Variants in DNAJC24 observed in about 807,000 individuals in gnomAD.
The protein encoded by DNAJC24 is dnaJ homolog subfamily C member 24.
Under a neutral mutation model 18.0 loss-of-function variants are expected in DNAJC24, and 17 were observed. The observed-to-expected ratio is 0.94, with a 90% confidence interval of 0.65 to 1.42. The LOEUF is 1.42. DNAJC24 is among the 40% of genes most tolerant of loss of function. The pLI is 0.00. For missense variants in DNAJC24, 158 were observed against 175.6 expected (o/e 0.90, Z 0.57); for synonymous variants, 55 against 57.7 (o/e 0.95, Z 0.21).
Position 31,431,439 on chromosome 11 carries a change from C to T in DNAJC24, c.*1038C>T, listed in dbSNP as rs1053735466. On this transcript the variant is annotated 3_prime_UTR_variant, in exon 5 of 5. Coordinates refer to ENST00000465995, the MANE Select transcript of DNAJC24 (RefSeq NM_181706.5). ...GTGCTGGGATTGCAGGCGTGAGCCA[C>T]CATGCCTGGCCAGAAGCTTTTTTAA... 4 of 151,358 alleles carry T rather than the reference C, an allele frequency of 2.6e-5. No individual in the cohort carries two copies. Among genetic ancestry groups the T allele is most frequent in the African/African-American group, 9.7e-5 (4 of 41,244 alleles). 9.4% of individuals were successfully genotyped at this position (151,358 alleles called of 1,614,324 possible). A position where few individuals can be genotyped will look rare whatever the true frequency, so the allele number is the denominator to read the frequency against.
At chr11:31,401,519 C>T (rs1404375461) in intron 2 of DNAJC24, among the ~76,000 whole-genome samples, 1 of 151,944 alleles carries the variant, frequency 6.6e-6, no homozygotes, top group African/African-American at 2.4e-5. Context: ...CTCTCCCATC[C>T]TCCTGCTTCC....
chr11:31,371,826 T>C (rs1202482686), intron 2 of DNAJC24, among the ~76,000 whole-genome samples: 1 of 143,978 alleles, frequency 6.9e-6, no homozygotes, highest in Non-Finnish European at 1.5e-5. Flanking sequence ...TTTTTTTTTT[T>C]TTTTTTTTTT....
chr11:31,396,383 G>T (rs924020895), intron 2 of DNAJC24: 11 of 423,348 alleles, frequency 2.6e-5, no homozygotes, highest in African/African-American at 1.7e-4. Flanking sequence ...TGAGGCTCAG[G>T]GGACTTTGGA....
At chr11:31,394,924 G>A (rs1952530896) in intron 2 of DNAJC24, among the ~76,000 whole-genome samples, 1 of 152,114 alleles carries the variant, frequency 6.6e-6, no homozygotes, top group Non-Finnish European at 1.5e-5. Flanking sequence ...TAACATTATT[G>A]CAGGTTACAT....
At chr11:31,428,208 C>T (rs932013342) in intron 4 of DNAJC24, among the ~76,000 whole-genome samples, 1 of 151,842 alleles carries the variant, frequency 6.6e-6, no homozygotes, top group African/African-American at 2.4e-5. Context: ...CCTGGAACTC[C>T]CTAAAGTAAA....
At chr11:31,424,132 T>A (rs990474006) in intron 3 of DNAJC24, among the ~76,000 whole-genome samples, 1 of 152,174 alleles carries the variant, frequency 6.6e-6, no homozygotes, top group African/African-American at 2.4e-5. Flanking sequence ...GCATCATGGA[T>A]ATATATGAAT....
intron 2 of DNAJC24, among the ~76,000 whole-genome samples, chr11:31,402,758 C>T (rs993829711): frequency 1.3e-5 from 2 of 152,150 alleles, no homozygotes; most frequent in African/African-American, 4.8e-5. Context: ...GATCCTCCTG[C>T]CTTAGCTTCC....
intron 2 of DNAJC24, among the ~76,000 whole-genome samples, chr11:31,404,923 A>T (rs892656727): frequency 1.3e-4 from 19 of 151,812 alleles, no homozygotes; most frequent in Non-Finnish European, 2.2e-4. Flanking sequence ...AACACCAACC[A>T]AGTCTCTTTT....
At chr11:31,400,232 T>C (rs1437684436) in intron 2 of DNAJC24, among the ~76,000 whole-genome samples, 1 of 152,214 alleles carries the variant, frequency 6.6e-6, no homozygotes, top group Non-Finnish European at 1.5e-5. Flanking sequence ...TGTGCATGTG[T>C]CTTTATAGCA....
chr11:31,376,144 C>T (rs183573975), intron 2 of DNAJC24, among the ~76,000 whole-genome samples: 37 of 152,296 alleles, frequency 2.4e-4, no homozygotes, highest in African/African-American at 6.0e-4. Flanking sequence ...TTTCCCCTTT[C>T]GCTTGGCTCT....
chr11:31,385,010 GC>G (rs1406866351), intron 2 of DNAJC24: 23 of 152,206 alleles, frequency 1.5e-4, no homozygotes, highest in African/African-American at 5.3e-4. Context: ...TTTTTAAAAA[GC>G]CTCTGTTACC....
intron 4 of DNAJC24, among the ~76,000 whole-genome samples, chr11:31,429,225 TA>T (rs35395087): frequency 0.04 from 5,457 of 137,794 alleles, 116 homozygotes; most frequent in Non-Finnish European, 0.047. Context: ...CCTTACTGAT[TA>T]AAAAAAAAAA....
rs563623789 is a variant in DNAJC24, at chr11:31,377,476, A to G, written c.111+6617A>G. Among the ~76,000 whole-genome samples, 11 of 152,236 alleles carry G rather than the reference A, an allele frequency of 7.2e-5. 1 individual carries two copies. The South Asian group carries it at 2.3e-3, about 32-fold the overall frequency. On this transcript the variant is annotated intron_variant, in intron 2 of 4. Transcript: ENST00000465995. ...GGCCTGCCGTGTAATAGTTTACTAT[A>G]TAAAAAATAAAAGTAATTGAACCAA...
chr11:31,396,288 A>G (rs1465638473), intron 2 of DNAJC24: 4 of 454,274 alleles, frequency 8.8e-6, no homozygotes, highest in South Asian at 6.2e-5. Context: ...TCCAGGATCT[A>G]TTCCTCTATG....
intron 4 of DNAJC24, 109 bp downstream of exon 4, chr11:31,426,464 C>G: frequency 1.6e-6 from 1 of 632,084 alleles, no homozygotes; most frequent in Non-Finnish European, 2.6e-6. Context: ...AATAGTGTGG[C>G]TTTCTATATA....
chr11:31,399,691 C>G (rs1193948936), intron 2 of DNAJC24, among the ~76,000 whole-genome samples: 1 of 142,376 alleles, frequency 7.0e-6, no homozygotes, highest in Non-Finnish European at 1.5e-5. Flanking sequence ...GGGTTACAGG[C>G]GTGAGCCACC....
intron 2 of DNAJC24, among the ~76,000 whole-genome samples, chr11:31,375,344 C>G (rs1334443944): frequency 7.4e-6 from 1 of 135,320 alleles, no homozygotes; most frequent in East Asian, 1.9e-4. Context: ...ATCGTGCCTC[C>G]CCAGCTCCCT....
intron 2 of DNAJC24, among the ~76,000 whole-genome samples, chr11:31,409,871 C>T (rs12287643): frequency 0.42 from 62,983 of 150,544 alleles, 14,086 homozygotes; most frequent in African/African-American, 0.57. Flanking sequence ...GTGTTATCAG[C>T]ATTTTTTTTT....
chr11:31,387,526 G>A (rs1564948957), intron 2 of DNAJC24, among the ~76,000 whole-genome samples: 1 of 152,166 alleles, frequency 6.6e-6, no homozygotes, highest in Non-Finnish European at 1.5e-5. Context: ...GTCTGTAAGA[G>A]CCACAGCATT....
Sources: allele counts gnomAD v4.1 joint callset (sites outside exome capture counted in the v4.1 genomes callset), GRCh38; gene constraint gnomAD v4.1.1; transcripts MANE v1.5; gene names NCBI Gene and HGNC (gene_info 2026-07-23, HGNC 2026-07-21).